Variants in BIRC6 observed in about 807,000 individuals in gnomAD.
The protein encoded by BIRC6 is dual E2 ubiquitin-conjugating enzyme/E3 ubiquitin-protein ligase BIRC6.
BIRC6 carries 98 observed loss-of-function variants against 503.3 expected under a neutral mutation model. The observed-to-expected ratio is 0.19, with a 90% CI of 0.17 to 0.23. The LOEUF (loss-of-function observed/expected upper bound fraction) is 0.23, where lower values mean the gene tolerates loss of function less well. BIRC6 is among the 10% of genes least tolerant of loss of function. The probability of loss-of-function intolerance (pLI) is 1.00; values close to 1 mark genes in which losing one functional copy is unlikely to be tolerated. For synonymous variants in BIRC6, 2,240 were observed against 2,078.7 expected (o/e 1.08, Z -2.11); for missense variants, 5,360 against 5,806.0 (o/e 0.92, Z 2.50).
chr2:32,401,682 A>G, intron 8 of BIRC6, 59 bp downstream of exon 8: 1 of 1,440,276 alleles, frequency 6.9e-7, no homozygotes, highest in Non-Finnish European at 9.5e-7. Flanking sequence ...TAAATTTTAT[A>G]TTCTCATAGT....
rs2037551004 is a variant in BIRC6, at chr2:32,380,953, T to G, written c.645+663T>G. On this transcript the variant is annotated intron_variant, in intron 3 of 73. Transcript: ENST00000421745. ...ACTATGTCTTTGGAAATTGAGCCAT[T>G]TTGTGCTTTCTCTGAAATTTTTTGG... Among the ~76,000 whole-genome samples the G allele has an allele frequency of 3.3e-5, 5 of 152,252 alleles. No individual in the cohort carries two copies. In the South Asian group the frequency reaches 1.0e-3, roughly 32 times the overall value.
At chr2:32,394,436 T>G (rs2039616261) in intron 5 of BIRC6, among the ~76,000 whole-genome samples, 1 of 152,182 alleles carries the variant, frequency 6.6e-6, no homozygotes, top group Non-Finnish European at 1.5e-5. Context: ...TTTTGTCCTA[T>G]GTTGTATGAA....
chr2:32,534,070 G>T (rs962420522), intron 61 of BIRC6, among the ~76,000 whole-genome samples: 1 of 152,132 alleles, frequency 6.6e-6, no homozygotes, highest in East Asian at 1.9e-4. Flanking sequence ...AAGAGACACT[G>T]TCTGGGCATG....
At chr2:32,428,366 A>T (rs2043752797) in intron 10 of BIRC6, among the ~76,000 whole-genome samples, 1 of 152,174 alleles carries the variant, frequency 6.6e-6, no homozygotes, top group Admixed American at 6.5e-5. Context: ...CAGAATTGTG[A>T]CCTCAAGTAG....
At chr2:32,468,245 G>A (rs375364255) in intron 28 of BIRC6, 134 bp downstream of exon 28, 253 of 1,033,284 alleles carry the variant, frequency 2.4e-4, no homozygotes, top group African/African-American at 3.4e-4. Context: ...AGATTAGCAC[G>A]TTACAATAAC....
intron 11 of BIRC6, among the ~76,000 whole-genome samples, chr2:32,429,747 A>C (rs1406933131): frequency 1.3e-5 from 2 of 152,150 alleles, no homozygotes; most frequent in African/African-American, 4.8e-5. Flanking sequence ...TAATTTTTCA[A>C]AAGAAGTTTT....
rs2048188920 is a variant in BIRC6 at position 32,463,227 on chromosome 2, G to A, written c.4787G>A (p.Gly1596Glu). Reference protein sequence around the residue: ...SSFGVTPAVGGLSSGTVGEAS... With the variant: ...SSFGVTPAVGELSSGTVGEAS... ...TTCGGGGTTACTCCTGCAGTAGGTGGACTATCATCTGGGACAGTTGGGGAA... is the reference window on the plus strand; with the variant it reads ...TTCGGGGTTACTCCTGCAGTAGGTGAACTATCATCTGGGACAGTTGGGGAA... The change falls in exon 24 of 74, where the codon GGA becomes GAA. Residue 1596 changes from glycine (G) to glutamate (E), a missense_variant. Physicochemically the swap from Gly to Glu is moderately conservative, Grantham distance 98 (BLOSUM62 -2). Around this residue, in one of 16 missense-constraint regions of BIRC6, gnomAD observed 2,299 missense variants for 2,267.2 expected, o/e 1.01. Transcript: ENST00000421745. 2 of 1,613,142 alleles carry A rather than the reference G, an allele frequency of 1.2e-6. No individual in the cohort carries two copies. The highest frequency in any genetic ancestry group is 2.2e-5 in the South Asian group (2 of 90,936).
intron 10 of BIRC6, among the ~76,000 whole-genome samples, chr2:32,420,410 T>G (rs2042810310): frequency 6.6e-6 from 1 of 152,164 alleles, no homozygotes; most frequent in African/African-American, 2.4e-5. Context: ...CCTAAGGTTT[T>G]TTATTTTTTA....
intron 33 of BIRC6, among the ~76,000 whole-genome samples, chr2:32,474,623 G>T (rs892403889): frequency 6.6e-6 from 1 of 152,138 alleles, no homozygotes; most frequent in East Asian, 1.9e-4. Context: ...TAATCAGGGC[G>T]ATTAGTCATC....
chr2:32,456,034 T>C (rs568478723), intron 23 of BIRC6, among the ~76,000 whole-genome samples: 52 of 152,350 alleles, frequency 3.4e-4, no homozygotes, highest in African/African-American at 1.2e-3. Context: ...CTCGGCAGTT[T>C]ATCATGATAC....
Position 32,450,121 on chromosome 2 carries a change from C to T in BIRC6, c.4618+1193C>T, listed in dbSNP as rs531292515. Among the ~76,000 whole-genome samples the T allele has an allele frequency of 3.7e-4, 56 of 152,264 alleles. No homozygotes were observed. The South Asian group carries it at 0.011, about 31-fold the overall frequency. On this transcript the variant is annotated intron_variant, in intron 22 of 73. Coordinates refer to ENST00000421745, the MANE Select transcript of BIRC6 (RefSeq NM_016252.4). ...TAAGGGAAGGACTGTAAGGTTCATTCCAAGCTCTGAGGTCATCAAGTTTGC... is the reference window on the plus strand; with the variant it reads ...TAAGGGAAGGACTGTAAGGTTCATTTCAAGCTCTGAGGTCATCAAGTTTGC...
Position 32,525,636 on chromosome 2 carries a change from T to G in BIRC6, c.11920+8T>G. 6.2e-7 allele frequency: 1 copy of G among 1,606,394 alleles called. No individual in the cohort carries two copies. The highest frequency in any genetic ancestry group is 8.5e-7 in the Non-Finnish European group (1 of 1,176,656). ...TTCACAAACTCTTGGCAGGTAATAT[T>G]CCTCAATGAATAAACGTCAAAGAAA... is the stretch of plus-strand genomic sequence containing the variant. On this transcript the variant is annotated splice_region_variant and intron_variant, in intron 59 of 73. Coordinates refer to ENST00000421745, the MANE Select transcript of BIRC6 (RefSeq NM_016252.4).
intron 72 of BIRC6, among the ~76,000 whole-genome samples, chr2:32,610,232 A>ATGC (rs1213706150): frequency 2.0e-5 from 3 of 152,164 alleles, no homozygotes; most frequent in Non-Finnish European, 2.9e-5. Flanking sequence ...TAGGGCAGAC[A>ATGC]TGCTCCCTGG....
At chr2:32,360,056 G>A (rs2033802057) in intron 1 of BIRC6, among the ~76,000 whole-genome samples, 1 of 152,192 alleles carries the variant, frequency 6.6e-6, no homozygotes. Flanking sequence ...GATGCCAGTA[G>A]CGATCATGGT....
In BIRC6 at chr2:32,584,244, T is replaced by G. The variant is rs148187601; in HGVS notation, c.13355+8878T>G. 8.9e-3 allele frequency among the ~76,000 whole-genome samples: 1,346 copies of G among 152,058 alleles called. 10 individuals carry two copies. The highest frequency in any genetic ancestry group is 0.02 in the Middle Eastern group (6 of 294). On this transcript the variant is annotated intron_variant, in intron 66 of 73. Transcript: ENST00000421745. ...ATAATATTTAAATTTAAAAAAATTT[T>G]TTTGGCTGGGTGCAGTGGCTCTCAC...
At chr2:32,379,199 C>T (rs930130458) in intron 2 of BIRC6, 2 of 152,094 alleles carry the variant, frequency 1.3e-5, no homozygotes, top group Admixed American at 6.6e-5. Flanking sequence ...GGTCTGGAGG[C>T]ATGTCTAAAA....
chr2:32,506,401 A>G (rs1024230674), intron 50 of BIRC6, among the ~76,000 whole-genome samples: 3 of 152,260 alleles, frequency 2.0e-5, no homozygotes, highest in African/African-American at 7.2e-5. Flanking sequence ...CTCCTTAGAT[A>G]AAAAACAGAT....
chr2:32,545,576 C>G (rs1572928449), intron 62 of BIRC6, 67 bp from the exon 63 acceptor site: 3 of 1,307,366 alleles, frequency 2.3e-6, no homozygotes, highest in Admixed American at 1.7e-5. Context: ...ATTTATGACC[C>G]TGTATGTAAC....
At chr2:32,506,080 C>T (rs999898031) in intron 50 of BIRC6, among the ~76,000 whole-genome samples, 1 of 152,076 alleles carries the variant, frequency 6.6e-6, no homozygotes. Context: ...AACTCCTGGG[C>T]TCATGGGATC....
Sources: allele counts gnomAD v4.1 joint callset (sites outside exome capture counted in the v4.1 genomes callset), GRCh38; gene constraint gnomAD v4.1.1; regional missense constraint gnomAD v4.1.1; transcripts MANE v1.5; gene names NCBI Gene and HGNC (gene_info 2026-07-23, HGNC 2026-07-21).